SPAG5: variants seen among roughly 807,000 people sequenced by gnomAD.
SPAG5 encodes the protein sperm associated antigen 5, also known as sperm-associated antigen 5.
SPAG5 carries 99 observed loss-of-function variants against 145.4 expected under a neutral mutation model. That is an observed-to-expected ratio of 0.68 (90% confidence interval 0.58 to 0.80). The LOEUF is 0.80. SPAG5 is among the 30% of genes least tolerant of loss of function. The probability of loss-of-function intolerance (pLI) is 0.00; values close to 1 mark genes in which losing one functional copy is unlikely to be tolerated. For missense variants in SPAG5, 1,192 were observed against 1,416.0 expected (o/e 0.84, Z 2.54); for synonymous variants, 477 against 525.4 (o/e 0.91, Z 1.26).
At chr17:28,577,941 C>A in intron 23 of SPAG5, 69 bp downstream of exon 23, 1 of 1,380,552 alleles carries the variant, frequency 7.2e-7, no homozygotes, top group Non-Finnish European at 1.0e-6. Context: ...GATCTGTGCT[C>A]ATTAGTACCT....
At chr17:28,585,747 C>T in intron 7 of SPAG5, 94 bp from the exon 8 acceptor site, 2 of 1,606,388 alleles carry the variant, frequency 1.2e-6, no homozygotes, top group Middle Eastern at 2.1e-4. Flanking sequence ...CAGTTCTTTA[C>T]TGCCCAGGGC....
In SPAG5 at chr17:28,585,900, C is replaced by T. The variant is rs759340060; in HGVS notation, c.1704G>A (p.Arg568=). The part of the protein sequence containing the change: ...QSLKAEREEA[R]HREEMALRGK... ...CTCTGAGAGCCATTTCCTCTCTGTG[C>T]CTTGCCTCCTCCCTTTCTGCTTTGA... The change falls in exon 7 of 24, where the codon AGG becomes AGA. Residue 568 remains arginine, a synonymous_variant. Transcript: ENST00000321765. The T allele has an allele frequency of 9.3e-6, 15 of 1,614,208 alleles. No homozygotes were observed. Among genetic ancestry groups the T allele is most frequent in the Non-Finnish European group, 1.3e-5 (15 of 1,180,036 alleles).
chr17:28,585,040 C>G lies in SPAG5; in HGVS notation c.2067+62G>C. 3 of 1,419,640 alleles carry G rather than the reference C, an allele frequency of 2.1e-6. No individual in the cohort carries two copies. In the South Asian group the frequency reaches 3.5e-5, roughly 16 times the overall value. 87.9% of individuals were successfully genotyped at this position (1,419,640 alleles called of 1,614,324 possible). The stretch of plus-strand genomic sequence containing the variant: ...AAGAAAACAGATCCAGGGTAAGAGG[C>G]TAATGGTATCACACATTAGGAAGGA... On this transcript the variant is annotated intron_variant, in intron 10 of 23. Transcript: ENST00000321765.
rs779100737 is a variant in SPAG5, at chr17:28,598,597, G to C, written c.90C>G (p.Thr30=). The C allele has an allele frequency of 1.3e-4, 203 of 1,612,154 alleles. No homozygotes were observed. The highest frequency in any genetic ancestry group is 1.6e-4 in the Non-Finnish European group (186 of 1,179,090). Residue 30 remains threonine (T), a synonymous_variant, in exon 2 of 24, where the codon ACC becomes ACG. Coordinates refer to ENST00000321765, the MANE Select transcript of SPAG5 (RefSeq NM_006461.4). ...PSMRTPLREL[T]LQPGALTNSG... is the part of the protein sequence containing the mutation. ...AGTTGGTGAGGGCACCGGGCTGCAG[G>C]GTAAGTTCACGGAGAGGAGTTCTCA...
chr17:28,597,754 G>GAAGC, intron 2 of SPAG5, among the ~76,000 whole-genome samples: 1 of 152,270 alleles, frequency 6.6e-6, no homozygotes, highest in South Asian at 2.1e-4. Context: ...CAAAAAAGAG[G>GAAGC]AAGCAAAACT....
chr17:28,598,500 C>T lies in SPAG5; in HGVS notation c.177+10G>A, dbSNP rs776224056. 12 of 1,612,730 alleles carry T rather than the reference C, an allele frequency of 7.4e-6. No individual in the cohort carries two copies. In the East Asian group the frequency reaches 2.2e-4, roughly 30 times the overall value. ...CAGCCCAGTCGAGAAGCTGTCCAGGCGAATCTCACCTGCAGCCCCAGCTTG... is the reference window on the plus strand; with the variant it reads ...CAGCCCAGTCGAGAAGCTGTCCAGGTGAATCTCACCTGCAGCCCCAGCTTG... On this transcript the variant is annotated intron_variant, in intron 2 of 23. Coordinates refer to ENST00000321765, the MANE Select transcript of SPAG5 (RefSeq NM_006461.4).
chr17:28,598,510 CTGCAGCCCCAGCT>C lies in SPAG5; in HGVS notation c.164_176del (p.Lys55ArgfsTer13). 6.2e-7 allele frequency: 1 copy of C among 1,613,384 alleles called. No homozygotes were observed. Reference sequence around the variant, plus strand: ...GAGAAGCTGTCCAGGCGAATCTCACCTGCAGCCCCAGCTTGCACAGTGATGGGGTCAGCGAGGA... The same window carrying C: ...GAGAAGCTGTCCAGGCGAATCTCACCTGCACAGTGATGGGGTCAGCGAGGA... On this transcript the variant is annotated frameshift_variant and splice_region_variant, in exon 2 of 24. Transcript: ENST00000321765. LOFTEE classifies it high-confidence loss of function.
rs779100737 is a variant in SPAG5 at position 28,598,597 on chromosome 17, G to A, written c.90C>T (p.Thr30=). 6.2e-7 allele frequency: 1 copy of A among 1,612,154 alleles called. No homozygotes were observed. The highest frequency in any genetic ancestry group is 1.3e-5 in the African/African-American group (1 of 74,766). ...PSMRTPLREL[T]LQPGALTNSG... ...AGTTGGTGAGGGCACCGGGCTGCAGGGTAAGTTCACGGAGAGGAGTTCTCA... is the reference window on the plus strand; with the variant it reads ...AGTTGGTGAGGGCACCGGGCTGCAGAGTAAGTTCACGGAGAGGAGTTCTCA... Residue 30 remains threonine (T), a synonymous_variant, in exon 2 of 24, where the codon ACC becomes ACT. Transcript: ENST00000321765.
chr17:28,594,865 TG>T (rs1652693609), intron 2 of SPAG5, among the ~76,000 whole-genome samples: 2 of 150,268 alleles, frequency 1.3e-5, no homozygotes, highest in South Asian at 4.2e-4. Flanking sequence ...GAGGCTGAGG[TG>T]GGAGGACTGC....
Position 28,592,045 on chromosome 17 carries a change from G to T in SPAG5, c.1199C>A (p.Thr400Lys). 1 of 1,614,194 alleles carries T rather than the reference G, an allele frequency of 6.2e-7. No individual in the cohort carries two copies. Among genetic ancestry groups the T allele is most frequent in the Non-Finnish European group, 8.5e-7 (1 of 1,180,036 alleles). ...PSAPQEKSTN[T>K]SQTGLVGTKH... ...GGTGCCAACCAGGCCTGTCTGGGAT[G>T]TGTTTGTACTCTTTTCCTGTGGTGC... Residue 400 changes from threonine (T) to lysine (K), a missense_variant, in exon 3 of 24, where the codon ACA becomes AAA. Thr to Lys is a moderately conservative substitution (Grantham distance 78). Transcript: ENST00000321765.
chr17:28,586,253 A>G, intron 5 of SPAG5, 71 bp from the exon 6 acceptor site: 1 of 1,373,412 alleles, frequency 7.3e-7, no homozygotes, highest in Admixed American at 1.7e-5. Context: ...ACTGGGGAGG[A>G]AAACCGCTAA....
rs181235894 is a variant in SPAG5, at chr17:28,596,344, G to A, written c.177+2166C>T. Among the ~76,000 whole-genome samples, 9 of 152,290 alleles carry A rather than the reference G, an allele frequency of 5.9e-5. No homozygotes were observed. In the East Asian group the frequency reaches 1.7e-3, roughly 29 times the overall value. The stretch of plus-strand genomic sequence containing the variant: ...GAATTCGATTTCAATCTAGTATTCT[G>A]CTATTGTGATTAAATAATTATGGTT... On this transcript the variant is annotated intron_variant, in intron 2 of 23. Transcript: ENST00000321765.
chr17:28,578,428 T>C lies in SPAG5; in HGVS notation c.3299A>G (p.Asn1100Ser), dbSNP rs753780414. The C allele has an allele frequency of 2.3e-5, 37 of 1,614,164 alleles. No individual in the cohort carries two copies. Among genetic ancestry groups the C allele is most frequent in the South Asian group, 1.1e-4 (10 of 91,082 alleles). Residue 1100 changes from asparagine (N) to serine (S), a missense_variant, in exon 21 of 24, where the codon AAC (asparagine) becomes AGC (serine). Physicochemically the swap from Asn to Ser is conservative, Grantham distance 46 (BLOSUM62 1). This residue lies in a region of SPAG5 where 709 missense variants were observed against 840.7 expected (regional missense o/e 0.84). Transcript: ENST00000321765. The stretch of plus-strand genomic sequence containing the variant: ...CCAATTGGTGGCCATAGGCTGGCAG[T>C]TGGAGTCCAGCTGGCCTGCCAGGGC... The part of the protein sequence containing the change: ...QEALAGQLDS[N>S]CQPMATNWIQ...
intron 10 of SPAG5, 56 bp from the exon 11 acceptor site, chr17:28,584,801 G>A (rs541361767): frequency 7.5e-7 from 1 of 1,339,312 alleles, no homozygotes; most frequent in East Asian, 2.3e-5. Context: ...ATAATCCCAG[G>A]ACTTGGTCCA....
rs774583989 is a variant in SPAG5, at chr17:28,583,934, C to T, written c.2465G>A (p.Cys822Tyr). 1 of 1,614,168 alleles carries T rather than the reference C, an allele frequency of 6.2e-7. No individual in the cohort carries two copies. The highest frequency in any genetic ancestry group is 1.1e-5 in the South Asian group (1 of 91,088). ...CACTTCCAGTGTGGTTTTCAATTGACACTCAACCTGACCCAGCTCCAGGTG... is the reference window on the plus strand; with the variant it reads ...CACTTCCAGTGTGGTTTTCAATTGATACTCAACCTGACCCAGCTCCAGGTG... The part of the protein sequence containing the change: ...VAHLELGQVE[C>Y]QLKTTLEVLR... Residue 822 changes from cysteine to tyrosine, a missense_variant, in exon 14 of 24, where the codon TGT becomes TAT. By Grantham distance (194) the Cys-to-Tyr change is radical. Transcript: ENST00000321765.
Position 28,584,688 on chromosome 17 carries a change from C to G in SPAG5, c.2125G>C (p.Glu709Gln), listed in dbSNP as rs1341879282. 6.2e-7 allele frequency: 1 copy of G among 1,614,182 alleles called. No homozygotes were observed. The change falls in exon 11 of 24, where the codon GAA becomes CAA. Residue 709 changes from glutamate to glutamine, a missense_variant. Glu to Gln is a conservative substitution (Grantham distance 29). This residue lies in a region of SPAG5 where 709 missense variants were observed against 840.7 expected (regional missense o/e 0.84). Transcript: ENST00000321765. The stretch of plus-strand genomic sequence containing the variant: ...CGACTGTTTTCCAACTCCAGTTGTT[C>G]TGTTTGGCCTTTGCACTCCTCTAAC... Reference protein sequence around the residue: ...AQLEECKGQTEQLELENSRLA... With the variant: ...AQLEECKGQTQQLELENSRLA...
intron 2 of SPAG5, among the ~76,000 whole-genome samples, chr17:28,594,561 C>G (rs2151523431): frequency 6.6e-6 from 1 of 152,182 alleles, no homozygotes; most frequent in Middle Eastern, 3.4e-3. Context: ...TGACACTGCA[C>G]TCCAGCCTGG....
intron 12 of SPAG5, 28 bp downstream of exon 12, chr17:28,584,305 C>T (rs1381986360): frequency 6.2e-7 from 1 of 1,614,046 alleles, no homozygotes; most frequent in Non-Finnish European, 8.5e-7. Flanking sequence ...TGGATGCCTA[C>T]TGCCACAGTA....
intron 2 of SPAG5, among the ~76,000 whole-genome samples, chr17:28,595,745 T>C (rs1456613301): frequency 7.5e-6 from 1 of 133,592 alleles, no homozygotes; most frequent in Non-Finnish European, 1.6e-5. Flanking sequence ...TGAGATCCTG[T>C]CTCAAAAAAA....
Sources: gnomAD v4.1 joint callset for allele counts (sites outside exome capture counted in the v4.1 genomes callset) on GRCh38, gnomAD v4.1.1 for gene constraint, gnomAD v4.1.1 regional missense constraint, MANE v1.5 for transcripts, NCBI Gene and HGNC (gene_info 2026-07-23, HGNC 2026-07-21) for gene names.